SLC35F3: variants seen among roughly 807,000 people sequenced by gnomAD.
The protein encoded by SLC35F3 is solute carrier family 35 member F3.
A neutral mutation model predicts 49.9 loss-of-function variants in SLC35F3; 25 were observed. The observed-to-expected ratio is 0.50, with a 90% CI of 0.37 to 0.70. SLC35F3 has a LOEUF of 0.70. Ranked by LOEUF, SLC35F3 falls within the 30% of genes least tolerant of loss-of-function variation. SLC35F3 has a pLI of 0.00. For missense variants in SLC35F3, 525 were observed against 639.8 expected, an observed-to-expected ratio of 0.82 and a Z score of 1.94; for synonymous variants, 275 against 265.4, an observed-to-expected ratio of 1.04 and a Z score of -0.35.
intron 3 of SLC35F3, 92 bp from the exon 4 acceptor site, chr1:234,309,009 T>G: frequency 1.2e-6 from 1 of 842,032 alleles, no homozygotes; most frequent in Non-Finnish European, 1.7e-6. Context: ...CCTTCCTATA[T>G]TTGCTTAAAA....
intron 2 of SLC35F3, among the ~76,000 whole-genome samples, chr1:234,113,470 G>C (rs1665438359): frequency 6.6e-6 from 1 of 152,218 alleles, no homozygotes; most frequent in Admixed American, 6.5e-5. Context: ...ATGTTGGAAG[G>C]TATAATTGGG....
intron 2 of SLC35F3, among the ~76,000 whole-genome samples, chr1:233,953,692 A>AG (rs569057241): frequency 0.1 from 14,677 of 145,886 alleles, 817 homozygotes; most frequent in African/African-American, 0.16. Context: ...ACCTGCACAG[A>AG]TACACGCACA....
intron 2 of SLC35F3, among the ~76,000 whole-genome samples, chr1:234,100,304 C>A (rs1224634875): frequency 1.3e-5 from 2 of 152,176 alleles, no homozygotes; most frequent in Non-Finnish European, 2.9e-5. Context: ...CCAACGTCTG[C>A]CGAGAAACAG....
intron 2 of SLC35F3, among the ~76,000 whole-genome samples, chr1:233,998,295 G>T (rs916312566): frequency 1.6e-4 from 24 of 151,908 alleles, no homozygotes; most frequent in African/African-American, 5.6e-4. Context: ...GGATATCAGG[G>T]ATTTGTCATA....
intron 2 of SLC35F3, among the ~76,000 whole-genome samples, chr1:234,021,981 A>G (rs953236046): frequency 1.3e-5 from 2 of 152,220 alleles, no homozygotes; most frequent in Non-Finnish European, 2.9e-5. Flanking sequence ...TGTTATGTTG[A>G]ATACATCTGT....
At chr1:234,059,467 C>T (rs1664506149) in intron 2 of SLC35F3, among the ~76,000 whole-genome samples, 1 of 151,824 alleles carries the variant, frequency 6.6e-6, no homozygotes, top group South Asian at 2.1e-4. Context: ...ATTTACTTTA[C>T]ACATATTTAT....
intron 3 of SLC35F3, among the ~76,000 whole-genome samples, chr1:234,279,680 A>G (rs962137105): frequency 1.3e-5 from 2 of 152,202 alleles, no homozygotes; most frequent in Non-Finnish European, 2.9e-5. Context: ...ATGTCTGGGA[A>G]ATACCAGGCT....
chr1:233,944,855 A>G (rs1326933406), intron 2 of SLC35F3, among the ~76,000 whole-genome samples: 1 of 151,864 alleles, frequency 6.6e-6, no homozygotes, highest in African/African-American at 2.4e-5. Context: ...TGCTCTTACG[A>G]TTGTAGAGGG....
At chr1:234,051,932 T>G (rs1572033251) in intron 2 of SLC35F3, among the ~76,000 whole-genome samples, 1 of 152,226 alleles carries the variant, frequency 6.6e-6, no homozygotes, top group Non-Finnish European at 1.5e-5. Context: ...GTTTAAGTGA[T>G]GGATTACGTT....
chr1:233,963,798 A>G (rs1243605595), intron 2 of SLC35F3, among the ~76,000 whole-genome samples: 1 of 152,194 alleles, frequency 6.6e-6, no homozygotes, highest in African/African-American at 2.4e-5. Context: ...ATCTCATTGC[A>G]CAGCCATAAG....
chr1:233,926,683 A>G (rs958010478), intron 2 of SLC35F3, among the ~76,000 whole-genome samples: 1 of 152,188 alleles, frequency 6.6e-6, no homozygotes. Flanking sequence ...GTTGCTGGCA[A>G]GGAGCTGCGT....
Position 234,316,892 on chromosome 1 carries a change from G to T in SLC35F3, c.954+165G>T, listed in dbSNP as rs111309802. ...GTCAACTGTGCAACAGGCAGACAGA[G>T]ACTTCAGTCAAGGGCAAGGGGGAGG... On this transcript the variant is annotated intron_variant, in intron 5 of 7. Transcript: ENST00000366618. Among the ~76,000 whole-genome samples, 258 of 152,350 alleles carry T rather than the reference G, an allele frequency of 1.7e-3. 1 individual carries two copies. The highest frequency in any genetic ancestry group is 5.9e-3 in the African/African-American group (246 of 41,580).
intron 2 of SLC35F3, among the ~76,000 whole-genome samples, chr1:234,023,217 A>G (rs1172481734): frequency 6.6e-6 from 1 of 152,180 alleles, no homozygotes; most frequent in Non-Finnish European, 1.5e-5. Context: ...ACCTGCCCCA[A>G]TAAGTGAACC....
chr1:234,078,846 C>T (rs1664835184), intron 2 of SLC35F3, among the ~76,000 whole-genome samples: 1 of 152,184 alleles, frequency 6.6e-6, no homozygotes, highest in Non-Finnish European at 1.5e-5. Flanking sequence ...ACTGACCTTG[C>T]AGGTCAGAAC....
intron 2 of SLC35F3, among the ~76,000 whole-genome samples, chr1:234,096,885 C>CTTTTTTTTTTTT (rs34404610): frequency 7.6e-6 from 1 of 132,106 alleles, no homozygotes; most frequent in Non-Finnish European, 1.6e-5. Flanking sequence ...TTGTTAAATT[C>CTTTTTTTTTTTT]TTTTTTTTTT....
intron 3 of SLC35F3, among the ~76,000 whole-genome samples, chr1:234,233,122 C>T (rs1667411414): frequency 2.0e-5 from 3 of 152,182 alleles, no homozygotes; most frequent in Non-Finnish European, 2.9e-5. Flanking sequence ...AATGCACCCT[C>T]TTCTGAATAG....
At chr1:234,297,162 TG>T (rs1433559283) in intron 3 of SLC35F3, among the ~76,000 whole-genome samples, 1 of 152,126 alleles carries the variant, frequency 6.6e-6, no homozygotes, top group African/African-American at 2.4e-5. Context: ...CAAGTGTTAG[TG>T]ATAATATGGA....
chr1:233,980,498 G>A (rs1206408025), intron 2 of SLC35F3, among the ~76,000 whole-genome samples: 4 of 152,166 alleles, frequency 2.6e-5, no homozygotes, highest in African/African-American at 4.8e-5. Context: ...TGACTCCCCC[G>A]TGTTGAGCAT....
intron 2 of SLC35F3, among the ~76,000 whole-genome samples, chr1:234,164,130 C>T (rs1030192046): frequency 2.6e-5 from 4 of 151,204 alleles, no homozygotes; most frequent in Admixed American, 2.6e-4. Context: ...CCTCTCTCTC[C>T]TTCTCTTTTT....
Sources: allele counts gnomAD v4.1 joint callset (sites outside exome capture counted in the v4.1 genomes callset), GRCh38; gene constraint gnomAD v4.1.1; transcripts MANE v1.5; gene names NCBI Gene and HGNC (gene_info 2026-07-23, HGNC 2026-07-21).